Variants in RBFOX1 observed in about 807,000 individuals in gnomAD.
RBFOX1 encodes RNA binding protein fox-1 homolog 1.
Under a neutral mutation model 57.7 loss-of-function variants are expected in RBFOX1, and 8 were observed. That is an observed-to-expected ratio of 0.14 (90% CI 0.08 to 0.25). The LOEUF is 0.25. Ranked by LOEUF, RBFOX1 falls within the 10% of genes least tolerant of loss-of-function variation. The pLI, the probability that RBFOX1 is intolerant of heterozygous loss-of-function variation, is 1.00. For synonymous variants in RBFOX1, 326 were observed against 222.4 expected (o/e 1.47, Z -4.15); for missense variants, 611 against 548.5 (o/e 1.11, Z -1.14).
chr16:6,087,248 T>G (rs538438405), intron 1 of RBFOX1, among the ~76,000 whole-genome samples: 1 of 152,290 alleles, frequency 6.6e-6, no homozygotes, highest in Admixed American at 6.5e-5. Flanking sequence ...CGAAAAGGTG[T>G]TTCCTTAGGC....
chr16:6,230,106 A>G (rs1715814648), intron 1 of RBFOX1, among the ~76,000 whole-genome samples: 3 of 152,182 alleles, frequency 2.0e-5, no homozygotes, highest in African/African-American at 7.2e-5. Flanking sequence ...TTTTTACTCC[A>G]TCTTCTTCTT....
intron 1 of RBFOX1, among the ~76,000 whole-genome samples, chr16:6,179,356 G>A (rs534548781): frequency 2.6e-5 from 4 of 152,278 alleles, no homozygotes; most frequent in South Asian, 4.1e-4. Context: ...ACCTGTGTCC[G>A]CAGGTGGGGA....
intron 4 of RBFOX1, among the ~76,000 whole-genome samples, chr16:7,484,699 G>C (rs1046543005): frequency 2.6e-5 from 4 of 152,174 alleles, no homozygotes; most frequent in Non-Finnish European, 4.4e-5. Context: ...CCTGGCCTCA[G>C]GTGATCCGCT....
chr16:6,983,361 GGGGTGGTCTTTGAAAAAGCTA>G (rs900515976), intron 3 of RBFOX1, among the ~76,000 whole-genome samples: 8 of 151,854 alleles, frequency 5.3e-5, no homozygotes, highest in African/African-American at 1.9e-4. Flanking sequence ...TTATTGGTGG[GGGGTGGTCTTTGAAAAAGCTA>G]GGGTGGGAGA....
intron 7 of RBFOX1, among the ~76,000 whole-genome samples, chr16:7,594,180 T>C (rs920696703): frequency 6.8e-6 from 1 of 147,974 alleles, no homozygotes; most frequent in Non-Finnish European, 1.5e-5. Context: ...CTGTGGTCAA[T>C]ACCTCTTTAG....
intron 2 of RBFOX1, among the ~76,000 whole-genome samples, chr16:6,364,282 C>G (rs1282280909): frequency 6.6e-6 from 1 of 152,242 alleles, no homozygotes; most frequent in Non-Finnish European, 1.5e-5. Flanking sequence ...GGTTATTTGG[C>G]TTGCCAAGGT....
At chr16:6,080,277 A>G (rs1748552365) in intron 1 of RBFOX1, among the ~76,000 whole-genome samples, 1 of 151,928 alleles carries the variant, frequency 6.6e-6, no homozygotes, top group Non-Finnish European at 1.5e-5. Flanking sequence ...CTGTTATGTA[A>G]AGGTGGTTAA....
intron 3 of RBFOX1, among the ~76,000 whole-genome samples, chr16:5,761,876 G>C (rs972388724): frequency 9.2e-5 from 14 of 152,094 alleles, no homozygotes; most frequent in Non-Finnish European, 1.9e-4. Flanking sequence ...ATCATCCTAG[G>C]TCTGGTCCTT....
At chr16:5,351,615 A>G (rs895931666) in intron 1 of RBFOX1, among the ~76,000 whole-genome samples, 1 of 152,192 alleles carries the variant, frequency 6.6e-6, no homozygotes, top group African/African-American at 2.4e-5. Context: ...TTTCCTCTCT[A>G]TGGAGACCGC....
intron 4 of RBFOX1, among the ~76,000 whole-genome samples, chr16:7,140,496 C>T (rs1374683326): frequency 2.0e-5 from 3 of 151,916 alleles, no homozygotes; most frequent in Non-Finnish European, 4.4e-5. Flanking sequence ...TTGTTGGATA[C>T]CCAGGACCTA....
chr16:7,611,853 A>G (rs1405770743), intron 10 of RBFOX1, among the ~76,000 whole-genome samples: 1 of 152,192 alleles, frequency 6.6e-6, no homozygotes, highest in African/African-American at 2.4e-5. Context: ...AAATCTTTCT[A>G]AATGCTTATT....
chr16:6,705,177 C>T (rs1416399917), intron 3 of RBFOX1: 1 of 152,146 alleles, frequency 6.6e-6, no homozygotes, highest in African/African-American at 2.4e-5. Flanking sequence ...CCAGCCCAGC[C>T]ATTGCTCTAT....
intron 2 of RBFOX1, among the ~76,000 whole-genome samples, chr16:6,460,353 C>T (rs1434678089): frequency 6.6e-6 from 1 of 151,872 alleles, no homozygotes. Flanking sequence ...ATCTATCCGT[C>T]TGACAAAGGT....
intron 1 of RBFOX1, among the ~76,000 whole-genome samples, chr16:6,138,601 C>T (rs181414752): frequency 4.9e-4 from 75 of 152,290 alleles, no homozygotes; most frequent in Non-Finnish European, 9.4e-4. Flanking sequence ...ACCATGGTGG[C>T]TCACACCTGT....
At chr16:6,825,929 G>C (rs1279642169) in intron 3 of RBFOX1, among the ~76,000 whole-genome samples, 2 of 152,126 alleles carry the variant, frequency 1.3e-5, no homozygotes, top group African/African-American at 4.8e-5. Context: ...TTCAAATCCT[G>C]GTTGTACCGC....
intron 7 of RBFOX1, among the ~76,000 whole-genome samples, chr16:7,588,776 T>C (rs2094275786): frequency 6.6e-6 from 1 of 152,132 alleles, no homozygotes; most frequent in South Asian, 2.1e-4. Context: ...CCTTTGATTT[T>C]TTTTTCTTTA....
intron 10 of RBFOX1, among the ~76,000 whole-genome samples, chr16:7,622,926 T>G (rs1427463536): frequency 6.6e-6 from 1 of 152,192 alleles, no homozygotes; most frequent in African/African-American, 2.4e-5. Flanking sequence ...ATGGATTAGC[T>G]CAATGCTAGT....
chr16:6,939,307 A>C (rs890365827), intron 3 of RBFOX1, among the ~76,000 whole-genome samples: 2 of 152,122 alleles, frequency 1.3e-5, no homozygotes, highest in Admixed American at 1.3e-4. Context: ...ATTTTGCTTG[A>C]AATAACAATA....
intron 4 of RBFOX1, among the ~76,000 whole-genome samples, chr16:6,010,774 A>G (rs895514765): frequency 1.3e-5 from 2 of 152,186 alleles, no homozygotes; most frequent in African/African-American, 4.8e-5. Flanking sequence ...AGAATCCAAC[A>G]TTTTATCCAT....
Sources: gnomAD v4.1 joint callset for allele counts (sites outside exome capture counted in the v4.1 genomes callset) on GRCh38, gnomAD v4.1.1 for gene constraint, MANE v1.5 for transcripts, NCBI Gene and HGNC (gene_info 2026-07-23, HGNC 2026-07-21) for gene names.